TTLL2: variants seen among roughly 807,000 people sequenced by gnomAD.
TTLL2 encodes the protein probable tubulin polyglutamylase TTLL2.
Under a neutral mutation model 7.5 loss-of-function variants are expected in TTLL2, and 10 were observed. The observed-to-expected ratio is 1.33, with a 90% confidence interval of 0.82 to 2.25. The LOEUF is 2.25. Among genes scored for constraint, TTLL2 ranks in the 30% most tolerant of loss-of-function variants. The pLI is 0.00. For synonymous variants in TTLL2, 284 were observed against 280.3 expected, an observed-to-expected ratio of 1.01 and a Z score of -0.13; for missense variants, 733 against 735.7, an observed-to-expected ratio of 1.00 and a Z score of 0.04.
chr6:167,341,492 A>T lies in TTLL2; in HGVS notation c.1592A>T (p.His531Leu). 1.2e-6 allele frequency: 2 copies of T among 1,613,902 alleles called. No homozygotes were observed. Among genetic ancestry groups the T allele is most frequent in the Non-Finnish European group, 1.7e-6 (2 of 1,180,000 alleles). Residue 531 changes from histidine to leucine, a missense_variant, in exon 3 of 3, where the codon CAC becomes CTC. Coordinates refer to ENST00000239587, the MANE Select transcript of TTLL2 (RefSeq NM_031949.5). Reference sequence around the variant, plus strand: ...CCCTACGCGTCCCTCTTCCAGTCGCACTCCTGCAAGACCAAGACCTCCCCG... The same window carrying T: ...CCCTACGCGTCCCTCTTCCAGTCGCTCTCCTGCAAGACCAAGACCTCCCCG... Reference protein sequence around the residue: ...LMPYASLFQSHSCKTKTSPCV... With the variant: ...LMPYASLFQSLSCKTKTSPCV...
At chr6:167,328,394 A>G (rs1778874226) in intron 1 of TTLL2, 1 of 289,854 alleles carries the variant, frequency 3.5e-6, no homozygotes, top group African/African-American at 2.2e-5. Context: ...GGTATGGAAA[A>G]AGGGGGCTCT....
At position 167,340,717 on chromosome 6, in the gene TTLL2, T is replaced by C; in HGVS notation, c.817T>C (p.Tyr273His). ...TGFKPLTIYV[Y>H]QEGLVRFATE... ...CTTTAAGCCTTTGACCATTTATGTTTATCAGGAAGGGTTGGTTCGGTTTGC... is the reference window on the plus strand; with the variant it reads ...CTTTAAGCCTTTGACCATTTATGTTCATCAGGAAGGGTTGGTTCGGTTTGC... Residue 273 changes from tyrosine (Y) to histidine (H), a missense_variant, in exon 3 of 3, where the codon TAT (tyrosine) becomes CAT (histidine). Physicochemically the swap from Tyr to His is moderately conservative, Grantham distance 83. Transcript: ENST00000239587. 1 of 1,614,216 alleles carries C rather than the reference T, an allele frequency of 6.2e-7. No individual in the cohort carries two copies. Among genetic ancestry groups the C allele is most frequent in the Non-Finnish European group, 8.5e-7 (1 of 1,180,050 alleles).
chr6:167,331,354 T>C (rs1384173522), intron 1 of TTLL2, among the ~76,000 whole-genome samples: 3 of 152,164 alleles, frequency 2.0e-5, no homozygotes, highest in African/African-American at 7.2e-5. Flanking sequence ...TAGGACTCCT[T>C]CCTCCTGTGT....
intron 1 of TTLL2, among the ~76,000 whole-genome samples, chr6:167,334,326 C>G (rs9456268): frequency 0.71 from 101,306 of 141,776 alleles, 36,933 homozygotes; most frequent in African/African-American, 0.85. Context: ...TATAATTTCT[C>G]TTCTTTTACA....
intron 1 of TTLL2, among the ~76,000 whole-genome samples, chr6:167,331,269 C>T (rs1778917472): frequency 6.6e-6 from 1 of 152,052 alleles, no homozygotes; most frequent in South Asian, 2.1e-4. Flanking sequence ...GTTCAATATC[C>T]TCCTTCCAGC....
chr6:167,339,726 A>ACATT (rs1779043933), intron 2 of TTLL2, among the ~76,000 whole-genome samples: 2 of 152,206 alleles, frequency 1.3e-5, no homozygotes, highest in Non-Finnish European at 2.9e-5. Flanking sequence ...ATGAAAGTTG[A>ACATT]CATTCGTGTT....
At chr6:167,326,364 G>T (rs1280502555) in intron 1 of TTLL2, among the ~76,000 whole-genome samples, 15 of 151,852 alleles carry the variant, frequency 9.9e-5, no homozygotes, top group Non-Finnish European at 1.5e-5. Context: ...TTTTAAGTTG[G>T]TCAACTCAAA....
At chr6:167,328,492 G>A (rs1778875166) in intron 1 of TTLL2, 2 of 211,222 alleles carry the variant, frequency 9.5e-6, no homozygotes, top group African/African-American at 4.5e-5. Flanking sequence ...TGATGACATT[G>A]ACTGGTGTTC....
chr6:167,330,112 G>T (rs1190391521), intron 1 of TTLL2, among the ~76,000 whole-genome samples: 1 of 152,142 alleles, frequency 6.6e-6, no homozygotes, highest in Non-Finnish European at 1.5e-5. Context: ...AAAGCCAAGA[G>T]GGTTAAGTTA....
At position 167,341,925 on chromosome 6, in the gene TTLL2, A is replaced by C; in HGVS notation, c.*246A>C. The C allele has an allele frequency of 4.2e-6, 2 of 481,528 alleles. No individual in the cohort carries two copies. The highest frequency in any genetic ancestry group is 7.3e-6 in the Non-Finnish European group (2 of 275,056). 29.8% of individuals were successfully genotyped at this position (481,528 alleles called of 1,614,324 possible). ...CAGGTGTCTTGAAAGAATTCTACAAATACCACACAGCCTCCCACCAGTAAT... is the reference window on the plus strand; with the variant it reads ...CAGGTGTCTTGAAAGAATTCTACAACTACCACACAGCCTCCCACCAGTAAT... On this transcript the variant is annotated 3_prime_UTR_variant, in exon 3 of 3. Transcript: ENST00000239587.
At chr6:167,334,620 A>C (rs2115217095) in intron 1 of TTLL2, among the ~76,000 whole-genome samples, 1 of 144,170 alleles carries the variant, frequency 6.9e-6, no homozygotes, top group African/African-American at 2.7e-5. Context: ...ACCAAAACAG[A>C]GATATAGATC....
At position 167,325,214 on chromosome 6, in the gene TTLL2, C is replaced by T. The variant is rs760800449; in HGVS notation, c.41C>T (p.Ala14Val). ...RDLCSSTQSQALGSLRTTTPA... is the reference protein window; with the variant it reads ...RDLCSSTQSQVLGSLRTTTPA... ...CTGTGTTCCTCCACACAAAGCCAGGCGCTGGGGTAAGCGTAGGAGGCGACA... is the reference window on the plus strand; with the variant it reads ...CTGTGTTCCTCCACACAAAGCCAGGTGCTGGGGTAAGCGTAGGAGGCGACA... The change falls in exon 1 of 3, where the codon GCG (alanine) becomes GTG (valine). Residue 14 changes from alanine to valine, a missense_variant. Coordinates refer to ENST00000239587, the MANE Select transcript of TTLL2 (RefSeq NM_031949.5). The T allele has an allele frequency of 3.6e-5, 57 of 1,572,380 alleles. No homozygotes were observed. The highest frequency in any genetic ancestry group is 3.3e-4 in the Middle Eastern group (2 of 5,982).
chr6:167,331,083 A>C (rs1454973206), intron 1 of TTLL2, among the ~76,000 whole-genome samples: 1 of 152,226 alleles, frequency 6.6e-6, no homozygotes, highest in Non-Finnish European at 1.5e-5. Context: ...TACTCAGTAC[A>C]AATGAGTGTC....
In TTLL2 at chr6:167,341,598, T is replaced by C. The variant is rs755320706; in HGVS notation, c.1698T>C (p.Thr566=). The change falls in exon 3 of 3, where the codon ACT becomes ACC. Residue 566 remains threonine, a synonymous_variant. Transcript: ENST00000239587. ...FVLVFPFNEA[T]LGASRNGLNV... Reference sequence around the variant, plus strand: ...TTGTTTTTCCTTTCAATGAAGCAACTCTCGGAGCTTCCAGGAATGGATTAA... The same window carrying C: ...TTGTTTTTCCTTTCAATGAAGCAACCCTCGGAGCTTCCAGGAATGGATTAA... 1.2e-6 allele frequency: 2 copies of C among 1,614,166 alleles called. No individual in the cohort carries two copies. The highest frequency in any genetic ancestry group is 1.6e-4 in the Middle Eastern group (1 of 6,062).
At chr6:167,328,100 T>C (rs1175597252) in intron 1 of TTLL2, 1 of 456,178 alleles carries the variant, frequency 2.2e-6, no homozygotes, top group African/African-American at 2.0e-5. Context: ...CTCTGTCCTG[T>C]AAGCAGTGAA....
At position 167,341,026 on chromosome 6, in the gene TTLL2, A is replaced by G. The variant is rs142598770; in HGVS notation, c.1126A>G (p.Ile376Val). 9.9e-6 allele frequency: 16 copies of G among 1,613,842 alleles called. No individual in the cohort carries two copies. The African/African-American group carries it at 1.1e-4, about 11-fold the overall frequency. Residue 376 changes from isoleucine to valine, a missense_variant, in exon 3 of 3, where the codon ATT becomes GTT. By Grantham distance (29) the Ile-to-Val change is conservative (BLOSUM62 3). Transcript: ENST00000239587. ...CFELFGFDIL[I>V]DDNLKPWLLE... is the part of the protein sequence containing the mutation. The stretch of plus-strand genomic sequence containing the variant: ...TGAGCTCTTTGGGTTTGATATTTTG[A>G]TTGATGACAACTTGAAACCATGGCT...
chr6:167,328,425 G>A (rs781516508), intron 1 of TTLL2: 8 of 275,330 alleles, frequency 2.9e-5, no homozygotes, highest in Non-Finnish European at 5.1e-5. Context: ...TACACCAGGA[G>A]GCTGTGGCTC....
intron 1 of TTLL2, among the ~76,000 whole-genome samples, chr6:167,327,826 A>G (rs1475983366): frequency 6.6e-6 from 1 of 152,178 alleles, no homozygotes; most frequent in Non-Finnish European, 1.5e-5. Flanking sequence ...ATAAAAATGT[A>G]CACTTTTCTT....
intron 1 of TTLL2, among the ~76,000 whole-genome samples, chr6:167,336,373 C>T (rs1006457938): frequency 7.2e-5 from 11 of 151,966 alleles, no homozygotes; most frequent in African/African-American, 2.7e-4. Flanking sequence ...TAAGTATTGT[C>T]ACTATGTTCT....
Sources: gnomAD v4.1 joint callset for allele counts (sites outside exome capture counted in the v4.1 genomes callset) on GRCh38, gnomAD v4.1.1 for gene constraint, MANE v1.5 for transcripts, NCBI Gene and HGNC (gene_info 2026-07-23, HGNC 2026-07-21) for gene names.